The following ANKS1B variants were observed in gnomAD, a reference collection of about 807,000 sequenced individuals.
The protein encoded by ANKS1B is ankyrin repeat and sterile alpha motif domain containing 1B.
Under a neutral mutation model 148.3 loss-of-function variants are expected in ANKS1B, and 36 were observed. The observed-to-expected ratio is 0.24, with a 90% CI of 0.19 to 0.32. The LOEUF (loss-of-function observed/expected upper bound fraction) is 0.32, where lower values mean the gene tolerates loss of function less well. Among genes scored for constraint, ANKS1B ranks in the 10% least tolerant of loss-of-function variants. The pLI is 1.00. For synonymous variants in ANKS1B, 542 were observed against 560.8 expected (o/e 0.97, Z 0.47); for missense variants, 1,157 against 1,542.6 (o/e 0.75, Z 4.19).
chr12:99,048,153 G>C (rs1200252998), intron 17 of ANKS1B, among the ~76,000 whole-genome samples: 3 of 152,222 alleles, frequency 2.0e-5, no homozygotes, highest in Non-Finnish European at 4.4e-5. Flanking sequence ...GAATAGGGAA[G>C]AGATGGAGGT....
At chr12:99,330,030 C>A (rs888546585) in intron 12 of ANKS1B, among the ~76,000 whole-genome samples, 1 of 151,894 alleles carries the variant, frequency 6.6e-6, no homozygotes, top group African/African-American at 2.4e-5. Context: ...GAGCCCAAAC[C>A]TAAGAATTAA....
rs1054431883 is a variant in ANKS1B at position 99,504,614 on chromosome 12, T to C, written c.1300A>G (p.Thr434Ala). The change falls in exon 10 of 27, where the codon ACT (threonine) becomes GCT (alanine). Residue 434 changes from threonine to alanine, a missense_variant. Transcript: ENST00000683438. ...GAAGCAGATGGTACAATTTCCATAG[T>C]GTAATTTCTCTTCTTTGGATAGGAC... ...QESYPKKRNYTMEIVPSASLD... is the reference protein window; with the variant it reads ...QESYPKKRNYAMEIVPSASLD... The C allele has an allele frequency of 1.9e-6, 3 of 1,601,086 alleles. No homozygotes were observed. The highest frequency in any genetic ancestry group is 1.7e-4 in the Middle Eastern group (1 of 6,032).
In ANKS1B at chr12:99,402,442, T is replaced by A. The variant is rs1414115196; in HGVS notation, c.1576-2631A>T. 2.7e-5 allele frequency among the ~76,000 whole-genome samples: 4 copies of A among 145,794 alleles called. 1 individual carries two copies. The highest frequency in any genetic ancestry group is 1.0e-4 in the African/African-American group (4 of 38,286). On this transcript the variant is annotated intron_variant, in intron 11 of 26. Transcript: ENST00000683438. ...AGGTATTAAGCCTAGTACTCATTAG[T>A]TATTTTTCCTGATCCTCTCCCTCCT... is the stretch of plus-strand genomic sequence containing the variant.
At chr12:99,201,073 G>A (rs1427433419) in intron 14 of ANKS1B, among the ~76,000 whole-genome samples, 1 of 152,158 alleles carries the variant, frequency 6.6e-6, no homozygotes, top group Non-Finnish European at 1.5e-5. Flanking sequence ...AGCTTGACAT[G>A]TTCAAAGGGC....
At chr12:99,427,794 G>C (rs773365558) in intron 11 of ANKS1B, among the ~76,000 whole-genome samples, 4 of 152,168 alleles carry the variant, frequency 2.6e-5, no homozygotes, top group Non-Finnish European at 5.9e-5. Flanking sequence ...GTGAGAAAGG[G>C]TTATGCTAGC....
chr12:99,962,487 A>G (rs2095426736), intron 1 of ANKS1B, among the ~76,000 whole-genome samples: 2 of 152,100 alleles, frequency 1.3e-5, no homozygotes, highest in South Asian at 4.1e-4. Flanking sequence ...TGACTTCGAG[A>G]TTGTAAATAG....
chr12:99,585,480 G>A (rs967509800), intron 9 of ANKS1B, among the ~76,000 whole-genome samples: 4 of 152,094 alleles, frequency 2.6e-5, no homozygotes, highest in African/African-American at 9.7e-5. Context: ...CCTGTCAGTG[G>A]CTCTACCTTC....
At chr12:99,663,507 C>A (rs1473508391) in intron 8 of ANKS1B, among the ~76,000 whole-genome samples, 1 of 152,126 alleles carries the variant, frequency 6.6e-6, no homozygotes, top group Non-Finnish European at 1.5e-5. Flanking sequence ...AAAGCTGCAA[C>A]ATTTAAGTCT....
At chr12:99,367,588 T>C (rs150099270) in intron 12 of ANKS1B, among the ~76,000 whole-genome samples, 474 of 152,330 alleles carry the variant, frequency 3.1e-3, no homozygotes, top group Non-Finnish European at 5.3e-3. Flanking sequence ...CAAGGTTACT[T>C]ACTGCTGTAA....
At chr12:99,031,644 G>A (rs888558183) in intron 17 of ANKS1B, among the ~76,000 whole-genome samples, 1 of 152,192 alleles carries the variant, frequency 6.6e-6, no homozygotes, top group Non-Finnish European at 1.5e-5. Flanking sequence ...ATGCAGATGT[G>A]ATGACAGAAG....
At chr12:98,828,998 C>T (rs1250464341) in intron 19 of ANKS1B, among the ~76,000 whole-genome samples, 176 bp downstream of exon 19, 1 of 152,132 alleles carries the variant, frequency 6.6e-6, no homozygotes, top group Admixed American at 6.5e-5. Context: ...CATTCCATTC[C>T]CAGACATTTC....
intron 11 of ANKS1B, among the ~76,000 whole-genome samples, chr12:99,406,823 G>A (rs949355508): frequency 6.9e-6 from 1 of 145,854 alleles, no homozygotes; most frequent in African/African-American, 2.6e-5. Context: ...AGAAGAAAAA[G>A]ACAACGTTAC....
chr12:98,963,035 A>G (rs2099874474), intron 17 of ANKS1B, among the ~76,000 whole-genome samples: 1 of 152,234 alleles, frequency 6.6e-6, no homozygotes, highest in Admixed American at 6.5e-5. Context: ...ATCTTAAAGA[A>G]CTAGAGAAGC....
chr12:99,193,614 G>A (rs1213140093), intron 14 of ANKS1B, among the ~76,000 whole-genome samples: 1 of 151,992 alleles, frequency 6.6e-6, no homozygotes, highest in African/African-American at 2.4e-5. Context: ...TGTTGTAGGA[G>A]TGTCAGTTGT....
chr12:99,382,320 T>C (rs2093672344), intron 12 of ANKS1B, among the ~76,000 whole-genome samples: 1 of 152,160 alleles, frequency 6.6e-6, no homozygotes, highest in East Asian at 1.9e-4. Context: ...TAACAACTAA[T>C]GTCCCTTTAG....
chr12:99,382,846 C>T (rs1358799820), intron 12 of ANKS1B, among the ~76,000 whole-genome samples: 2 of 152,022 alleles, frequency 1.3e-5, no homozygotes, highest in African/African-American at 4.8e-5. Flanking sequence ...TGATACCTTC[C>T]CATCATGGAA....
Position 99,742,837 on chromosome 12 carries a change from CA to C in ANKS1B, c.1128+30084del, listed in dbSNP as rs57232737. Among the ~76,000 whole-genome samples, 753 of 119,546 alleles carry C rather than the reference CA, an allele frequency of 6.3e-3. 5 individuals are homozygous for C. The highest frequency in any genetic ancestry group is 0.017 in the African/African-American group (533 of 31,380). The allele number at this position is 119,546 out of a possible 152,430, so 78.4% of individuals were successfully genotyped here. On this transcript the variant is annotated intron_variant, in intron 8 of 26. Transcript: ENST00000683438. ...TGGGTGACAGAGGGAGACTCTGTCT[CA>C]AAAAAAAAAAAAAAAAAAATGCACA...
intron 1 of ANKS1B, among the ~76,000 whole-genome samples, chr12:99,950,501 A>G (rs2095190057): frequency 6.6e-6 from 1 of 152,148 alleles, no homozygotes; most frequent in East Asian, 1.9e-4. Flanking sequence ...TTGTGACTAC[A>G]TAAATATTCT....
intron 17 of ANKS1B, among the ~76,000 whole-genome samples, chr12:98,833,108 G>C (rs1002229585): frequency 6.6e-6 from 1 of 152,260 alleles, no homozygotes; most frequent in Non-Finnish European, 1.5e-5. Flanking sequence ...CTCTCAAAGG[G>C]AACTGAGAAT....
Sources: gnomAD v4.1 joint callset for allele counts (sites outside exome capture counted in the v4.1 genomes callset) on GRCh38, gnomAD v4.1.1 for gene constraint, MANE v1.5 for transcripts, NCBI Gene and HGNC (gene_info 2026-07-23, HGNC 2026-07-21) for gene names.